Variants in CIITA observed in about 807,000 individuals in gnomAD.
CIITA encodes the protein MHC class II transactivator.
In CIITA, 72 loss-of-function variants were observed where a neutral mutation model predicts 115.1. The observed-to-expected ratio is 0.63, with a 90% CI of 0.52 to 0.76. The LOEUF is 0.76. Ranked by LOEUF, CIITA falls within the 30% of genes least tolerant of loss-of-function variation. CIITA has a pLI of 0.00. For synonymous variants in CIITA, 763 were observed against 635.6 expected (o/e 1.20, Z -3.02); for missense variants, 1,617 against 1,463.8 (o/e 1.10, Z -1.71).
chr16:10,929,661 G>T lies in CIITA; in HGVS notation c.*5806G>T, dbSNP rs1287978848. The T allele has an allele frequency of 5.7e-6, 4 of 702,666 alleles. No individual in the cohort carries two copies. The highest frequency in any genetic ancestry group is 7.0e-6 in the Non-Finnish European group (4 of 571,810). 43.5% of individuals were successfully genotyped at this position (702,666 alleles called of 1,614,324 possible). A position where few individuals can be genotyped will look rare whatever the true frequency, so the allele number is the denominator to read the frequency against. ...ATCCACCAGGCTCGGGAGGCTTGGG[G>T]TGGGGCAGGGAAGTCTTCCTCCATC... On this transcript the variant is annotated 3_prime_UTR_variant, in exon 20 of 20. Coordinates refer to ENST00000324288, the MANE Select transcript of CIITA (RefSeq NM_000246.4). The surrounding 1 kb of genome is among the most constrained non-coding windows in gnomAD (Gnocchi z 4.3).
chr16:10,906,466 A>G, intron 10 of CIITA, 33 bp from the exon 11 acceptor site: 1 of 1,609,470 alleles, frequency 6.2e-7, no homozygotes, highest in Non-Finnish European at 8.5e-7. Flanking sequence ...CCTCTCACAT[A>G]CCCCCACCCT....
intron 5 of CIITA, among the ~76,000 whole-genome samples, chr16:10,900,632 A>C (rs1388533403): frequency 6.6e-6 from 1 of 151,986 alleles, no homozygotes; most frequent in Non-Finnish European, 1.5e-5. Context: ...CCCAGCTACC[A>C]GGGAGGCTAG....
rs1307040988 is a variant in CIITA at position 10,902,706 on chromosome 16, C to A, written c.677C>A (p.Pro226His). ...AGCTGCCTGAATCTCCCTGAGGGAC[C>A]CATCCAGTTTGTCCCCACCATCTCC... is the stretch of plus-strand genomic sequence containing the variant. ...SLSCLNLPEG[P>H]IQFVPTISTL... Residue 226 changes from proline to histidine, a missense_variant, in exon 8 of 20, where the codon CCC becomes CAC. By Grantham distance (77) the Pro-to-His change is moderately conservative (BLOSUM62 -2). Transcript: ENST00000324288. The A allele has an allele frequency of 1.2e-6, 2 of 1,614,106 alleles. No individual in the cohort carries two copies. Among genetic ancestry groups the A allele is most frequent in the Non-Finnish European group, 1.7e-6 (2 of 1,180,050 alleles).
chr16:10,890,644 C>T (rs2037470023), intron 1 of CIITA, among the ~76,000 whole-genome samples: 1 of 152,146 alleles, frequency 6.6e-6, no homozygotes, highest in African/African-American at 2.4e-5. Flanking sequence ...TGCAAAAGAA[C>T]AGAAAGCTCG....
chr16:10,893,540 T>C (rs1241146479), intron 1 of CIITA, among the ~76,000 whole-genome samples: 1 of 152,076 alleles, frequency 6.6e-6, no homozygotes, highest in Non-Finnish European at 1.5e-5. Context: ...AAAGTACAGT[T>C]CATGCCTGTA....
intron 16 of CIITA, 131 bp downstream of exon 16, chr16:10,918,657 T>G: frequency 1.4e-6 from 1 of 736,998 alleles, no homozygotes; most frequent in East Asian, 2.5e-5. Context: ...ACAAAAGGAT[T>G]AGCGGGACGT....
chr16:10,929,505 C>T lies in CIITA; in HGVS notation c.*5650C>T, dbSNP rs2040683511. 9 of 985,578 alleles carry T rather than the reference C, an allele frequency of 9.1e-6. No individual in the cohort carries two copies. Among genetic ancestry groups the T allele is most frequent in the Non-Finnish European group, 8.4e-6 (7 of 829,980 alleles). The allele number at this position is 985,578 out of a possible 1,614,324, so 61.1% of individuals were successfully genotyped here. A position where few individuals can be genotyped will look rare whatever the true frequency, so the allele number is the denominator to read the frequency against. On this transcript the variant is annotated 3_prime_UTR_variant, in exon 20 of 20. Transcript: ENST00000324288. The surrounding 1 kb of genome is among the most constrained non-coding windows in gnomAD (Gnocchi z 4.3). ...TCAGTCCCAATCTCTCTTCCACTCT[C>T]CTGGGTTCAAACAGGAACCTCTCTG...
At position 10,924,163 on chromosome 16, in the gene CIITA, GC is replaced by G. The variant is rs1237626669; in HGVS notation, c.*310del. The G allele has an allele frequency of 1.3e-5, 2 of 152,350 alleles. No individual in the cohort carries two copies. Among genetic ancestry groups the G allele is most frequent in the African/African-American group, 4.8e-5 (2 of 41,456 alleles). 9.4% of individuals were successfully genotyped at this position (152,350 alleles called of 1,614,324 possible). A position where few individuals can be genotyped will look rare whatever the true frequency, so the allele number is the denominator to read the frequency against. ...CTGAAGGACATTGCGGACAGCCACG[GC>G]CAGGCCAGAGGGAGTGACAGAGGCA... On this transcript the variant is annotated 3_prime_UTR_variant, in exon 20 of 20. Transcript: ENST00000324288.
rs34648899 is a variant in CIITA at position 10,902,050 on chromosome 16, C to T, written c.494C>T (p.Thr165Ile). The T allele has an allele frequency of 2.5e-5, 40 of 1,614,040 alleles. No individual in the cohort carries two copies. The South Asian group carries it at 4.2e-4, about 17-fold the overall frequency. ...LKHWKPAEPP[T>I]VVTGSLLVGP... Reference sequence around the variant, plus strand: ...CACTTCCTCACAGCTGAGCCCCCCACTGTGGTGACTGGCAGTCTCCTAGTG... The same window carrying T: ...CACTTCCTCACAGCTGAGCCCCCCATTGTGGTGACTGGCAGTCTCCTAGTG... Residue 165 changes from threonine to isoleucine, a missense_variant, in exon 7 of 20, where the codon ACT becomes ATT. Transcript: ENST00000324288.
intron 1 of CIITA, among the ~76,000 whole-genome samples, chr16:10,892,790 G>A (rs2037728421): frequency 6.6e-6 from 1 of 152,070 alleles, no homozygotes; most frequent in African/African-American, 2.4e-5. Flanking sequence ...AAAATTAGCT[G>A]GTCATGGTGG....
chr16:10,901,286 T>G lies in CIITA; in HGVS notation c.437-228T>G, dbSNP rs940553005. Among the ~76,000 whole-genome samples the G allele has an allele frequency of 6.6e-6, 1 of 152,158 alleles. No individual in the cohort carries two copies. The highest frequency in any genetic ancestry group is 2.4e-5 in the African/African-American group (1 of 41,442). On this transcript the variant is annotated intron_variant, in intron 5 of 19. Coordinates refer to ENST00000324288, the MANE Select transcript of CIITA (RefSeq NM_000246.4). The surrounding 1 kb of genome is among the most constrained non-coding windows in gnomAD (Gnocchi z 6.8). ...CTCAAACCCATGTTGTGTCCCCATTTGTGACTCGGCCTCTTCTGCTGCTAC... is the reference window on the plus strand; with the variant it reads ...CTCAAACCCATGTTGTGTCCCCATTGGTGACTCGGCCTCTTCTGCTGCTAC...
chr16:10,877,469 T>A (rs1297665703), intron 1 of CIITA, 87 bp downstream of exon 1: 1 of 1,363,688 alleles, frequency 7.3e-7, no homozygotes, highest in Non-Finnish European at 1.0e-6. Flanking sequence ...CATTCTGAAT[T>A]GGGGATGGGG....
intron 5 of CIITA, among the ~76,000 whole-genome samples, chr16:10,900,715 G>A (rs2038654032): frequency 6.6e-6 from 1 of 151,694 alleles, no homozygotes; most frequent in Non-Finnish European, 1.5e-5. Flanking sequence ...ACTCCAGCCT[G>A]GGCAACAGAG....
chr16:10,877,471 G>C, intron 1 of CIITA, 89 bp downstream of exon 1: 1 of 1,349,426 alleles, frequency 7.4e-7, no homozygotes, highest in Non-Finnish European at 1.0e-6. Flanking sequence ...TTCTGAATTG[G>C]GGATGGGGGT....
intron 15 of CIITA, 63 bp from the exon 16 acceptor site, chr16:10,918,377 T>C (rs45509299): frequency 0.047 from 65,895 of 1,408,904 alleles, 2,098 homozygotes; most frequent in East Asian, 0.16. Flanking sequence ...AGAACTCTCC[T>C]TGAGGTCAAA....
chr16:10,896,949 A>T (rs975387983), intron 3 of CIITA, among the ~76,000 whole-genome samples: 28 of 152,352 alleles, frequency 1.8e-4, no homozygotes, highest in African/African-American at 5.8e-4. Context: ...ACATGGGGGA[A>T]GCAGAAGTGA....
chr16:10,918,591 C>T, intron 16 of CIITA, 65 bp downstream of exon 16: 1 of 1,426,386 alleles, frequency 7.0e-7, no homozygotes, highest in Non-Finnish European at 9.8e-7. Context: ...AGGGAACCCA[C>T]ATCGTGCTGG....
rs773230132 is a variant in CIITA, at chr16:10,907,700, C to T, written c.2208C>T (p.Tyr736=). The change falls in exon 11 of 20, where the codon TAC becomes TAT. Residue 736 remains tyrosine, a synonymous_variant. Transcript: ENST00000324288. This position sits in a 1 kb window ranked among gnomAD's most constrained non-coding sequence, Gnocchi z 5.0. ...TCAAGGACAAGGAGCTCCCGCAGTA[C>T]CTAGCATTGACCCCAAGGAAGAAGA... The part of the protein sequence containing the change: ...GEIKDKELPQ[Y]LALTPRKKRP... 39 of 1,614,130 alleles carry T rather than the reference C, an allele frequency of 2.4e-5. 1 individual carries two copies. In the South Asian group the frequency reaches 4.3e-4, roughly 18 times the overall value.
chr16:10,889,115 GC>G (rs1304961509), intron 1 of CIITA, among the ~76,000 whole-genome samples: 2 of 152,208 alleles, frequency 1.3e-5, no homozygotes, highest in Non-Finnish European at 2.9e-5. Flanking sequence ...GAGAAGGTGA[GC>G]TAGAGGGATA....
Sources: gnomAD v4.1 joint callset for allele counts (sites outside exome capture counted in the v4.1 genomes callset) on GRCh38, gnomAD v4.1.1 for gene constraint, Gnocchi (gnomAD v3.1) non-coding constraint, MANE v1.5 for transcripts, NCBI Gene and HGNC (gene_info 2026-07-23, HGNC 2026-07-21) for gene names.